Variants in SCNN1B observed in about 807,000 individuals in gnomAD.
The protein encoded by SCNN1B is epithelial sodium channel subunit beta.
Under a neutral mutation model 65.3 loss-of-function variants are expected in SCNN1B, and 46 were observed. The observed-to-expected ratio is 0.70, with a 90% confidence interval of 0.56 to 0.90. The LOEUF is 0.90. SCNN1B is among the 40% of genes least tolerant of loss of function. The probability of loss-of-function intolerance (pLI) is 0.00; values close to 1 mark genes in which losing one functional copy is unlikely to be tolerated. For missense variants in SCNN1B, 751 were observed against 830.5 expected, an observed-to-expected ratio of 0.90 and a Z score of 1.18; for synonymous variants, 349 against 330.6, an observed-to-expected ratio of 1.06 and a Z score of -0.60.
chr16:23,371,597 C>A (rs973869887), intron 6 of SCNN1B, 135 bp downstream of exon 6: 1 of 1,092,470 alleles, frequency 9.2e-7, no homozygotes, highest in Non-Finnish European at 1.3e-6. Flanking sequence ...TGGCTGGAAT[C>A]CCCCCAGGGT....
intron 1 of SCNN1B, among the ~76,000 whole-genome samples, chr16:23,283,030 T>C (rs1420162150): frequency 1.3e-5 from 2 of 152,220 alleles, no homozygotes; most frequent in Non-Finnish European, 1.5e-5. Flanking sequence ...ACTTGGGGGC[T>C]TGCCTATCCT....
At chr16:23,312,821 C>G (rs537228360) in intron 1 of SCNN1B, among the ~76,000 whole-genome samples, 1 of 152,214 alleles carries the variant, frequency 6.6e-6, no homozygotes, top group South Asian at 2.1e-4. Context: ...GCCATCCTGG[C>G]CACAGGATGG....
At chr16:23,316,614 T>C (rs1338637940) in intron 1 of SCNN1B, among the ~76,000 whole-genome samples, 3 of 143,598 alleles carry the variant, frequency 2.1e-5, no homozygotes, top group Non-Finnish European at 4.5e-5. Context: ...ATCATCACCA[T>C]CATGATCACC....
intron 7 of SCNN1B, among the ~76,000 whole-genome samples, chr16:23,374,207 A>G (rs1334348119): frequency 6.9e-6 from 1 of 145,602 alleles, no homozygotes; most frequent in Non-Finnish European, 1.5e-5. Context: ...TTGAGGATGC[A>G]GAGAGTTATG....
At chr16:23,340,926 A>G (rs541697957) in intron 1 of SCNN1B, among the ~76,000 whole-genome samples, 2 of 152,126 alleles carry the variant, frequency 1.3e-5, no homozygotes, top group Non-Finnish European at 2.9e-5. Flanking sequence ...GCATGTGTAC[A>G]CATGCATGTG....
intron 1 of SCNN1B, among the ~76,000 whole-genome samples, chr16:23,330,616 G>A (rs981001364): frequency 3.9e-5 from 6 of 152,022 alleles, no homozygotes; most frequent in African/African-American, 1.2e-4. Context: ...TCTGGTGCCC[G>A]GGCTGGAGTG....
intron 2 of SCNN1B, 112 bp downstream of exon 2, chr16:23,349,022 CTTCT>C (rs966351061): frequency 1.1e-6 from 1 of 884,226 alleles, no homozygotes; most frequent in African/African-American, 1.7e-5. Flanking sequence ...CCTTTCTCTC[CTTCT>C]CTTTATTTCT....
Position 23,365,110 on chromosome 16 carries a change from G to A in SCNN1B, c.777-2746G>A, listed in dbSNP as rs553320914. On this transcript the variant is annotated intron_variant, in intron 4 of 12. Transcript: ENST00000343070. ...CACTTCACTCCAGCCTGGGGTGAAA[G>A]AGCAAAACTCCATCTCAAAAACAAA... Among the ~76,000 whole-genome samples the A allele has an allele frequency of 3.3e-5, 5 of 151,256 alleles. No homozygotes were observed. In the South Asian group the frequency reaches 1.0e-3, roughly 32 times the overall value.
In SCNN1B at chr16:23,375,867, C is replaced by T. The variant is rs374759363; in HGVS notation, c.1270+12C>T. 3.2e-6 allele frequency: 5 copies of T among 1,554,906 alleles called. No individual in the cohort carries two copies. In the African/African-American group the frequency reaches 6.8e-5, roughly 21 times the overall value. ...CTTCCCAGACTGGGGTGAGCGGGGGCACGGGGGATCGGCACTCCAGCCATC... is the reference window on the plus strand; with the variant it reads ...CTTCCCAGACTGGGGTGAGCGGGGGTACGGGGGATCGGCACTCCAGCCATC... On this transcript the variant is annotated intron_variant, in intron 8 of 12. Coordinates refer to ENST00000343070, the MANE Select transcript of SCNN1B (RefSeq NM_000336.3).
intron 1 of SCNN1B, chr16:23,303,933 A>G (rs936415397): frequency 1.1e-5 from 8 of 743,960 alleles, no homozygotes; most frequent in Middle Eastern, 2.2e-4. Flanking sequence ...AAATAGAACT[A>G]GAAGTAGAAA....
intron 8 of SCNN1B, among the ~76,000 whole-genome samples, chr16:23,376,387 T>C (rs1962897015): frequency 6.6e-6 from 1 of 151,988 alleles, no homozygotes; most frequent in Non-Finnish European, 1.5e-5. Context: ...CGTGCATGTA[T>C]GTATAAGGCC....
intron 1 of SCNN1B, among the ~76,000 whole-genome samples, chr16:23,309,131 A>G (rs1961283558): frequency 6.6e-6 from 1 of 152,088 alleles, no homozygotes; most frequent in Non-Finnish European, 1.5e-5. Context: ...CTTGGAAGAA[A>G]CCAATTTTTT....
At chr16:23,307,281 T>A (rs1208648870) in intron 1 of SCNN1B, among the ~76,000 whole-genome samples, 1 of 149,000 alleles carries the variant, frequency 6.7e-6, no homozygotes, top group Non-Finnish European at 1.5e-5. Context: ...TTGACTGGAA[T>A]GAAGCCTGTG....
chr16:23,335,911 C>T (rs1961929101), intron 1 of SCNN1B, among the ~76,000 whole-genome samples: 1 of 152,176 alleles, frequency 6.6e-6, no homozygotes, highest in South Asian at 2.1e-4. Context: ...TCCCTATCGT[C>T]TCCATTAGTC....
At position 23,367,958 on chromosome 16, in the gene SCNN1B, C is replaced by T. The variant is rs250563; in HGVS notation, c.879C>T (p.Phe293=). Residue 293 remains phenylalanine, a splice_region_variant and synonymous_variant, in exon 5 of 13, where the codon TTC becomes TTT. Transcript: ENST00000343070. ...CTTCGGCCAACCCTGGAACTGAATTCGGTGAGTTTTGGTTTATCGTGGGGC... is the reference window on the plus strand; with the variant it reads ...CTTCGGCCAACCCTGGAACTGAATTTGGTGAGTTTTGGTTTATCGTGGGGC... The part of the protein sequence containing the change: ...ALPSANPGTE[F]GLKLILDIGQ... 88,015 of 1,610,998 alleles carry T rather than the reference C, an allele frequency of 0.055. 3,889 individuals carry two copies. Among genetic ancestry groups the T allele is most frequent in the African/African-American group, 0.22 (16,787 of 74,852 alleles).
chr16:23,354,902 T>G (rs1962385553), intron 3 of SCNN1B, among the ~76,000 whole-genome samples: 1 of 152,086 alleles, frequency 6.6e-6, no homozygotes, highest in Admixed American at 6.5e-5. Context: ...ATGGTACAAG[T>G]AGGGGTGAGG....
intron 4 of SCNN1B, among the ~76,000 whole-genome samples, chr16:23,359,594 C>T (rs539490395): frequency 6.6e-6 from 1 of 152,114 alleles, no homozygotes; most frequent in Non-Finnish European, 1.5e-5. Context: ...GACACTGTGG[C>T]CCCTGCTTCC....
At chr16:23,376,214 C>T (rs4967999) in intron 8 of SCNN1B, among the ~76,000 whole-genome samples, 62,175 of 152,094 alleles carry the variant, frequency 0.41, 13,146 homozygotes, top group Admixed American at 0.54. Context: ...TGCACAAGTG[C>T]AAAGGCATTT....
chr16:23,315,286 A>G (rs148516398), intron 1 of SCNN1B, among the ~76,000 whole-genome samples: 15,788 of 152,078 alleles, frequency 0.1, 2,725 homozygotes, highest in African/African-American at 0.36. Context: ...GCAGTGAGCC[A>G]AGATCGCACC....
Sources: allele counts gnomAD v4.1 joint callset (sites outside exome capture counted in the v4.1 genomes callset), GRCh38; gene constraint gnomAD v4.1.1; transcripts MANE v1.5; gene names NCBI Gene and HGNC (gene_info 2026-07-23, HGNC 2026-07-21).